Variants in ANKRD12 observed in about 807,000 individuals in gnomAD.
The protein encoded by ANKRD12 is ankyrin repeat domain-containing protein 12.
Under a neutral mutation model 183.4 loss-of-function variants are expected in ANKRD12, and 85 were observed. The observed-to-expected ratio is 0.46, with a 90% CI of 0.39 to 0.56. The LOEUF is 0.56. Ranked by LOEUF, ANKRD12 falls within the 20% of genes least tolerant of loss-of-function variation. The pLI is 0.00. For synonymous variants in ANKRD12, 914 were observed against 800.2 expected, an observed-to-expected ratio of 1.14 and a Z score of -2.40; for missense variants, 2,405 against 2,357.1, an observed-to-expected ratio of 1.02 and a Z score of -0.42.
chr18:9,234,335 G>A (rs2037221988), intron 8 of ANKRD12, among the ~76,000 whole-genome samples: 1 of 152,196 alleles, frequency 6.6e-6, no homozygotes, highest in South Asian at 2.1e-4. Flanking sequence ...CTCCACCAGT[G>A]GCGGGGCGAC....
chr18:9,141,823 T>C (rs964475981), intron 1 of ANKRD12, among the ~76,000 whole-genome samples: 1 of 152,254 alleles, frequency 6.6e-6, no homozygotes, highest in African/African-American at 2.4e-5. Flanking sequence ...CATTTTTAAC[T>C]ACCTTATGTC....
intron 3 of ANKRD12, among the ~76,000 whole-genome samples, chr18:9,198,347 A>G (rs1324496947): frequency 2.1e-5 from 3 of 145,174 alleles, no homozygotes; most frequent in African/African-American, 5.2e-5. Context: ...AAATACATCA[A>G]TAGTAATCAA....
chr18:9,284,861 A>G lies in ANKRD12; in HGVS notation c.*3735A>G, dbSNP rs187771057. On this transcript the variant is annotated 3_prime_UTR_variant, in exon 13 of 13. Transcript: ENST00000262126. ...GGTTTTCCCAGTGGTTAAATGCTAT[A>G]TAATAACTGCAAATAAAAGTTTTTT... The G allele has an allele frequency of 6.6e-6, 1 of 152,274 alleles. No homozygotes were observed. Among genetic ancestry groups the G allele is most frequent in the African/African-American group, 2.4e-5 (1 of 41,470 alleles). The allele number at this position is 152,274 out of a possible 1,614,324, so 9.4% of individuals were successfully genotyped here. A position where few individuals can be genotyped will look rare whatever the true frequency, so the allele number is the denominator to read the frequency against.
intron 1 of ANKRD12, among the ~76,000 whole-genome samples, chr18:9,162,670 A>G (rs936556540): frequency 6.6e-6 from 1 of 152,130 alleles, no homozygotes; most frequent in Non-Finnish European, 1.5e-5. Flanking sequence ...ACTCCCACTA[A>G]CAGTGTAAAA....
At chr18:9,222,595 T>A (rs1037129402) in intron 8 of ANKRD12, among the ~76,000 whole-genome samples, 2 of 152,162 alleles carry the variant, frequency 1.3e-5, no homozygotes, top group Non-Finnish European at 2.9e-5. Context: ...AAAAAGAGTT[T>A]CATCAGTTTT....
Position 9,170,001 on chromosome 18 carries a change from G to T in ANKRD12, c.-51-12381G>T, listed in dbSNP as rs193124530. Among the ~76,000 whole-genome samples the T allele has an allele frequency of 3.5e-3, 539 of 152,186 alleles. 2 individuals are homozygous for T. The highest frequency in any genetic ancestry group is 0.012 in the African/African-American group (501 of 41,526). ...TAGTTTGGCCGGATATGAAATTCTG[G>T]GTTGAAAATTATTTTCTTTAAGAAT... On this transcript the variant is annotated intron_variant, in intron 1 of 12. Coordinates refer to ENST00000262126, the MANE Select transcript of ANKRD12 (RefSeq NM_015208.5).
chr18:9,188,988 A>G (rs959454666), intron 2 of ANKRD12, among the ~76,000 whole-genome samples: 2 of 152,236 alleles, frequency 1.3e-5, no homozygotes, highest in African/African-American at 4.8e-5. Context: ...AAAAGCTCTA[A>G]ATGATTAAGC....
At chr18:9,138,798 T>C (rs1271936372) in intron 1 of ANKRD12, among the ~76,000 whole-genome samples, 1 of 152,208 alleles carries the variant, frequency 6.6e-6, no homozygotes, top group Non-Finnish European at 1.5e-5. Context: ...TTGAAATGTT[T>C]ACCCCTGGAG....
intron 9 of ANKRD12, among the ~76,000 whole-genome samples, chr18:9,262,840 C>T (rs2039060863): frequency 7.6e-6 from 1 of 132,280 alleles, no homozygotes; most frequent in Non-Finnish European, 1.6e-5. Context: ...GCTCTGTCAC[C>T]CAGGCTGGAA....
chr18:9,238,910 C>G (rs2037501226), intron 8 of ANKRD12, among the ~76,000 whole-genome samples: 1 of 152,122 alleles, frequency 6.6e-6, no homozygotes, highest in Non-Finnish European at 1.5e-5. Context: ...TCACCTGAGT[C>G]CAGGAGTTCA....
At chr18:9,253,870 C>A (rs370737129) in intron 8 of ANKRD12, among the ~76,000 whole-genome samples, 1 of 152,128 alleles carries the variant, frequency 6.6e-6, no homozygotes, top group Non-Finnish European at 1.5e-5. Context: ...TGGGTATACA[C>A]CCAAAAGAAA....
intron 1 of ANKRD12, among the ~76,000 whole-genome samples, chr18:9,174,615 G>A (rs548052072): frequency 6.6e-6 from 1 of 152,198 alleles, no homozygotes; most frequent in Admixed American, 6.5e-5. Flanking sequence ...GGGTTCCTTT[G>A]GCTCCCCAGT....
intron 10 of ANKRD12, among the ~76,000 whole-genome samples, chr18:9,267,981 A>G (rs988038175): frequency 6.6e-6 from 1 of 152,212 alleles, no homozygotes; most frequent in Non-Finnish European, 1.5e-5. Flanking sequence ...CCATCAGAGA[A>G]TAAACACCTC....
chr18:9,221,071 C>A (rs978733600), intron 7 of ANKRD12, among the ~76,000 whole-genome samples: 3 of 152,084 alleles, frequency 2.0e-5, no homozygotes, highest in African/African-American at 7.2e-5. Flanking sequence ...TGTTTCATTT[C>A]TTTAATACCA....
At chr18:9,174,199 C>T (rs2033037838) in intron 1 of ANKRD12, among the ~76,000 whole-genome samples, 1 of 152,208 alleles carries the variant, frequency 6.6e-6, no homozygotes, top group Non-Finnish European at 1.5e-5. Flanking sequence ...TGGCAGCCGC[C>T]CCTCCCCCTG....
chr18:9,148,403 C>T (rs2078565689), intron 1 of ANKRD12, among the ~76,000 whole-genome samples: 1 of 152,024 alleles, frequency 6.6e-6, no homozygotes, highest in Admixed American at 6.6e-5. Flanking sequence ...TATTTATTTA[C>T]AAACTCTAAA....
intron 8 of ANKRD12, among the ~76,000 whole-genome samples, chr18:9,225,472 T>TA (rs200715342): frequency 0.58 from 37,921 of 64,906 alleles, 13,371 homozygotes; most frequent in Middle Eastern, 0.81. Context: ...AGACTATCTT[T>TA]AAAAAAAAAA....
Position 9,257,536 on chromosome 18 carries a change from T to G in ANKRD12, c.4269T>G (p.Val1423=), listed in dbSNP as rs1366480624. 1 of 1,614,134 alleles carries G rather than the reference T, an allele frequency of 6.2e-7. No individual in the cohort carries two copies. Among genetic ancestry groups the G allele is most frequent in the Admixed American group, 1.7e-5 (1 of 60,016 alleles). Residue 1423 remains valine, a synonymous_variant, in exon 9 of 13, where the codon GTT becomes GTG. Transcript: ENST00000262126. ...VIQNKSWEMP[V]DRLETLSTRD... is the part of the protein sequence containing the mutation. ...AGAATAAATCATGGGAGATGCCTGT[T>G]GATAGACTAGAGACATTAAGCACCA...
intron 4 of ANKRD12, among the ~76,000 whole-genome samples, chr18:9,208,131 A>G (rs568109929): frequency 2.0e-5 from 3 of 152,268 alleles, no homozygotes; most frequent in South Asian, 4.1e-4. Context: ...CAGCTATCCT[A>G]TGACTGGAAT....
Sources: allele counts gnomAD v4.1 joint callset (sites outside exome capture counted in the v4.1 genomes callset), GRCh38; gene constraint gnomAD v4.1.1; transcripts MANE v1.5; gene names NCBI Gene and HGNC (gene_info 2026-07-23, HGNC 2026-07-21).